MED12L: variants seen among roughly 807,000 people sequenced by gnomAD.
The protein encoded by MED12L is mediator complex subunit 12L.
In MED12L, 60 loss-of-function variants were observed where a neutral mutation model predicts 281.3. The observed-to-expected ratio is 0.21, with a 90% CI of 0.17 to 0.26. MED12L has a LOEUF of 0.26. Ranked by LOEUF, MED12L falls within the 10% of genes least tolerant of loss-of-function variation. The pLI, the probability that MED12L is intolerant of heterozygous loss-of-function variation, is 1.00. For missense variants in MED12L, 2,146 were observed against 2,680.9 expected, an observed-to-expected ratio of 0.80 and a Z score of 4.41; for synonymous variants, 974 against 987.2, an observed-to-expected ratio of 0.99 and a Z score of 0.25.
chr3:151,229,284 T>A (rs1305303963), intron 16 of MED12L, among the ~76,000 whole-genome samples: 1 of 151,060 alleles, frequency 6.6e-6, no homozygotes, highest in Non-Finnish European at 1.5e-5. Flanking sequence ...ACTGTGGTAA[T>A]AACTTATAAA....
rs901985936 is a variant in MED12L at position 151,388,369 on chromosome 3, C to T, written c.5451+197C>T. Among the ~76,000 whole-genome samples, 3 of 152,150 alleles carry T rather than the reference C, an allele frequency of 2.0e-5. No individual in the cohort carries two copies. In the East Asian group the frequency reaches 5.8e-4, roughly 29 times the overall value. On this transcript the variant is annotated intron_variant, in intron 37 of 44. Coordinates refer to ENST00000687756, the MANE Select transcript of MED12L (RefSeq NM_001393769.1). ...CAAAAGATTAAAGCTTTTGATTTTC[C>T]GTCCTCCACTTTTAATAATTTTATT...
At chr3:151,190,369 A>G (rs1197137739) in intron 13 of MED12L, among the ~76,000 whole-genome samples, 1 of 151,908 alleles carries the variant, frequency 6.6e-6, no homozygotes. Flanking sequence ...ACGGGGTTTC[A>G]CCATATTGGC....
chr3:151,106,320 T>TCCCCG (rs1362473896), intron 2 of MED12L, among the ~76,000 whole-genome samples: 1 of 43,786 alleles, frequency 2.3e-5, no homozygotes, highest in South Asian at 1.2e-3. Flanking sequence ...TCCCCTCCCC[T>TCCCCG]CCCCTCCCCT....
intron 16 of MED12L, among the ~76,000 whole-genome samples, chr3:151,284,121 T>A (rs1743155181): frequency 6.6e-6 from 1 of 152,220 alleles, no homozygotes; most frequent in Non-Finnish European, 1.5e-5. Flanking sequence ...CCCACAGTTG[T>A]TCTGATAAAC....
At chr3:151,120,317 TA>T (rs1713562873) in intron 3 of MED12L, among the ~76,000 whole-genome samples, 1 of 152,182 alleles carries the variant, frequency 6.6e-6, no homozygotes, top group South Asian at 2.1e-4. Context: ...ATAAACCTTT[TA>T]GAGGGCAATT....
intron 16 of MED12L, chr3:151,336,477 C>A (rs1421089114): frequency 2.2e-6 from 1 of 455,900 alleles, no homozygotes; most frequent in Non-Finnish European, 4.4e-6. Flanking sequence ...CAACAATACA[C>A]CCTTTTATTT....
rs1343987469 is a variant in MED12L, at chr3:151,246,433, A to G, written c.2250+52767A>G. On this transcript the variant is annotated intron_variant, in intron 16 of 44. Transcript: ENST00000687756. ...GGTACCAAAACAGAGATATAGATCA[A>G]TGGAACAGAACAGAGCCCTCAGAAA... Among the ~76,000 whole-genome samples the G allele has an allele frequency of 1.6e-3, 238 of 152,054 alleles. 1 individual carries two copies. Among genetic ancestry groups the G allele is most frequent in the Non-Finnish European group, 2.7e-3 (183 of 67,994 alleles).
intron 33 of MED12L, 140 bp downstream of exon 33, chr3:151,382,885 T>C: frequency 1.6e-6 from 1 of 622,348 alleles, no homozygotes; most frequent in Non-Finnish European, 2.8e-6. Context: ...ATTACTTCCC[T>C]GTTTCTAAAG....
chr3:151,407,249 A>T (rs887157768), intron 39 of MED12L, among the ~76,000 whole-genome samples: 1 of 152,236 alleles, frequency 6.6e-6, no homozygotes, highest in Non-Finnish European at 1.5e-5. Context: ...AATAAAAGCA[A>T]AAGAAGAGCG....
In MED12L at chr3:151,416,208, T is replaced by TA; in HGVS notation, c.6298-103dup. Reference sequence around the variant, plus strand: ...GCAGCAGGCAGGTATATATTGTTTTTACTACAACATAAAAATTAGATAAAA... The same window carrying TA: ...GCAGCAGGCAGGTATATATTGTTTTTAACTACAACATAAAAATTAGATAAAA... On this transcript the variant is annotated intron_variant, in intron 42 of 44. Transcript: ENST00000687756. 1.9e-6 allele frequency: 3 copies of TA among 1,593,006 alleles called. No homozygotes were observed. The South Asian group carries it at 3.4e-5, about 18-fold the overall frequency.
At chr3:151,402,434 G>A (rs936676822) in intron 39 of MED12L, among the ~76,000 whole-genome samples, 3 of 152,218 alleles carry the variant, frequency 2.0e-5, no homozygotes, top group African/African-American at 7.2e-5. Flanking sequence ...TGGTTAATCT[G>A]ATGATCTCTT....
intron 27 of MED12L, among the ~76,000 whole-genome samples, 171 bp downstream of exon 27, chr3:151,372,937 C>G (rs1174089432): frequency 6.6e-6 from 1 of 152,136 alleles, no homozygotes; most frequent in Non-Finnish European, 1.5e-5. Context: ...TTAAAAAACT[C>G]ATGTCCATCC....
intron 16 of MED12L, among the ~76,000 whole-genome samples, chr3:151,257,630 G>A (rs149220751): frequency 3.9e-5 from 6 of 152,310 alleles, no homozygotes; most frequent in African/African-American, 1.2e-4. Flanking sequence ...GTATTATTTC[G>A]TATATGGAGA....
At chr3:151,095,727 C>G (rs1448401530) in intron 2 of MED12L, among the ~76,000 whole-genome samples, 4 of 151,928 alleles carry the variant, frequency 2.6e-5, no homozygotes, top group African/African-American at 9.7e-5. Context: ...TCACTAAAAA[C>G]TTTTTTTTCT....
chr3:151,293,685 C>CCTTCATT (rs1744642564), intron 16 of MED12L, among the ~76,000 whole-genome samples: 1 of 143,282 alleles, frequency 7.0e-6, no homozygotes, highest in Non-Finnish European at 1.5e-5. Context: ...ACACCCTCTA[C>CCTTCATT]CTTCATTTCT....
chr3:151,328,143 A>AG (rs769953806), intron 16 of MED12L: 4 of 1,613,056 alleles, frequency 2.5e-6, no homozygotes, highest in Non-Finnish European at 2.5e-6. Context: ...GTTGCTGCCA[A>AG]AAAGAGAGTT....
At chr3:151,255,698 T>TA (rs1350246483) in intron 16 of MED12L, among the ~76,000 whole-genome samples, 9 of 152,218 alleles carry the variant, frequency 5.9e-5, no homozygotes, top group African/African-American at 1.9e-4. Flanking sequence ...GAAGAAAAAA[T>TA]ACAGCGAACT....
chr3:151,420,156 G>T (rs1439992557), intron 43 of MED12L, among the ~76,000 whole-genome samples: 1 of 152,090 alleles, frequency 6.6e-6, no homozygotes, highest in Admixed American at 6.6e-5. Context: ...TAATCACAGG[G>T]CATAGTAACA....
At chr3:151,109,212 C>T (rs1353853310) in intron 2 of MED12L, among the ~76,000 whole-genome samples, 3 of 152,038 alleles carry the variant, frequency 2.0e-5, no homozygotes, top group Admixed American at 6.6e-5. Context: ...CCAGCCACCA[C>T]GCCCGGCAAT....
Sources: allele counts gnomAD v4.1 joint callset (sites outside exome capture counted in the v4.1 genomes callset), GRCh38; gene constraint gnomAD v4.1.1; transcripts MANE v1.5; gene names NCBI Gene and HGNC (gene_info 2026-07-23, HGNC 2026-07-21).